The following MAPKAPK2 variants were observed in gnomAD, a reference collection of about 807,000 sequenced individuals.
MAPKAPK2 encodes MAPK activated protein kinase 2, also known as MAP kinase-activated protein kinase 2.
Under a neutral mutation model 48.8 loss-of-function variants are expected in MAPKAPK2, and 9 were observed. The ratio of observed to expected loss-of-function variants is 0.18; its 90% CI spans 0.11 to 0.32. The LOEUF (loss-of-function observed/expected upper bound fraction) is 0.32, where lower values mean the gene tolerates loss of function less well. Among genes scored for constraint, MAPKAPK2 ranks in the 10% least tolerant of loss-of-function variants. The probability of loss-of-function intolerance (pLI) is 1.00; values close to 1 mark genes in which losing one functional copy is unlikely to be tolerated. For missense variants in MAPKAPK2, 331 were observed against 498.3 expected (o/e 0.66, Z 3.20); for synonymous variants, 202 against 190.6 (o/e 1.06, Z -0.49).
chr1:206,697,159 T>C (rs1364132769), intron 1 of MAPKAPK2, among the ~76,000 whole-genome samples: 1 of 152,216 alleles, frequency 6.6e-6, no homozygotes, highest in Non-Finnish European at 1.5e-5. Context: ...TTTTGCCCTT[T>C]GGAGAACTTT....
chr1:206,688,685 T>G (rs1672360503), intron 1 of MAPKAPK2, among the ~76,000 whole-genome samples: 3 of 152,202 alleles, frequency 2.0e-5, no homozygotes, highest in Admixed American at 2.0e-4. Context: ...TCGCCCAGGT[T>G]AGAGTGCAGT....
chr1:206,718,901 A>G (rs1341229280), intron 1 of MAPKAPK2, among the ~76,000 whole-genome samples: 1 of 152,184 alleles, frequency 6.6e-6, no homozygotes, highest in African/African-American at 2.4e-5. Context: ...TTATTTCTCT[A>G]CCAACTGAAT....
intron 1 of MAPKAPK2, among the ~76,000 whole-genome samples, chr1:206,692,625 A>T (rs1004978303): frequency 3.9e-5 from 6 of 152,156 alleles, no homozygotes; most frequent in African/African-American, 1.4e-4. Context: ...CTGATCAGTA[A>T]ACACCTCTGT....
chr1:206,721,770 G>A (rs1393868326), intron 1 of MAPKAPK2, among the ~76,000 whole-genome samples: 1 of 152,196 alleles, frequency 6.6e-6, no homozygotes, highest in Non-Finnish European at 1.5e-5. Flanking sequence ...CCCATTTGAA[G>A]CACAGTGGAC....
chr1:206,715,706 C>T (rs781869334), intron 1 of MAPKAPK2, among the ~76,000 whole-genome samples: 2 of 149,952 alleles, frequency 1.3e-5, no homozygotes, highest in African/African-American at 2.5e-5. Context: ...TGGCTCACTG[C>T]AGCCTTGACC....
intron 1 of MAPKAPK2, among the ~76,000 whole-genome samples, chr1:206,722,076 A>G (rs1171364377): frequency 6.7e-6 from 1 of 149,860 alleles, no homozygotes; most frequent in Non-Finnish European, 1.5e-5. Context: ...AAAAAAAAAA[A>G]AAGGCCAGGC....
intron 1 of MAPKAPK2, among the ~76,000 whole-genome samples, chr1:206,722,326 C>T (rs971334760): frequency 1.8e-4 from 27 of 152,102 alleles, no homozygotes; most frequent in African/African-American, 5.8e-4. Context: ...TGCCACTGCA[C>T]TCCAGCCTGG....
chr1:206,712,494 TTTG>T (rs1236394300), intron 1 of MAPKAPK2, among the ~76,000 whole-genome samples: 3 of 151,956 alleles, frequency 2.0e-5, no homozygotes, highest in African/African-American at 4.8e-5. Context: ...GATGGGTTTT[TTTG>T]TTGTTGTTGT....
intron 1 of MAPKAPK2, among the ~76,000 whole-genome samples, chr1:206,714,441 A>G (rs1371745111): frequency 6.6e-6 from 1 of 152,060 alleles, no homozygotes; most frequent in African/African-American, 2.4e-5. Flanking sequence ...TGAGGAGTTT[A>G]TCCTATTTGT....
intron 1 of MAPKAPK2, among the ~76,000 whole-genome samples, chr1:206,690,585 T>C (rs782580952): frequency 2.6e-5 from 4 of 152,186 alleles, no homozygotes; most frequent in Non-Finnish European, 4.4e-5. Flanking sequence ...AATTGATGAT[T>C]TTTCTTATGA....
chr1:206,690,002 G>A (rs1174120717), intron 1 of MAPKAPK2, among the ~76,000 whole-genome samples: 1 of 152,176 alleles, frequency 6.6e-6, no homozygotes, highest in African/African-American at 2.4e-5. Flanking sequence ...ACATGGCTGT[G>A]CCTCTGAGGA....
chr1:206,730,795 C>CA, intron 6 of MAPKAPK2, 32 bp downstream of exon 6: 1 of 1,341,348 alleles, frequency 7.5e-7, no homozygotes, highest in Non-Finnish European at 1.1e-6. Flanking sequence ...CTGGGTGGGG[C>CA]AGGGAGTCAG....
intron 1 of MAPKAPK2, among the ~76,000 whole-genome samples, chr1:206,727,411 A>C (rs1241985692): frequency 6.6e-6 from 1 of 152,144 alleles, no homozygotes; most frequent in African/African-American, 2.4e-5. Context: ...AGAAGAGTTT[A>C]TTATCTTGTC....
Position 206,685,512 on chromosome 1 carries a change from G to C in MAPKAPK2, c.279+4G>C, listed in dbSNP as rs1553425450. ...CCAGGAGAAATTCGCCCTCAAAGTAGGTCTGGGGCCCGGGGAGGGGAGGCG... is the reference window on the plus strand; with the variant it reads ...CCAGGAGAAATTCGCCCTCAAAGTACGTCTGGGGCCCGGGGAGGGGAGGCG... On this transcript the variant is annotated splice_donor_region_variant and intron_variant, in intron 1 of 9. Transcript: ENST00000367103. The C allele has an allele frequency of 1.3e-6, 2 of 1,512,260 alleles. No homozygotes were observed. The highest frequency in any genetic ancestry group is 8.9e-7 in the Non-Finnish European group (1 of 1,124,662). The allele number at this position is 1,512,260 out of a possible 1,614,324, so 93.7% of individuals were successfully genotyped here.
intron 1 of MAPKAPK2, among the ~76,000 whole-genome samples, chr1:206,727,002 C>T (rs1483758797): frequency 6.6e-6 from 1 of 152,110 alleles, no homozygotes; most frequent in East Asian, 1.9e-4. Context: ...CTGCTTCCCA[C>T]GTTTCCCTCT....
chr1:206,693,147 T>C (rs1340466438), intron 1 of MAPKAPK2, among the ~76,000 whole-genome samples: 1 of 152,124 alleles, frequency 6.6e-6, no homozygotes, highest in Non-Finnish European at 1.5e-5. Context: ...TCCACATTGT[T>C]AGGAGGCTCT....
At chr1:206,706,705 G>T (rs367578129) in intron 1 of MAPKAPK2, among the ~76,000 whole-genome samples, 1 of 152,330 alleles carries the variant, frequency 6.6e-6, no homozygotes, top group Admixed American at 6.5e-5. Context: ...CTGGGAAGAC[G>T]TTCAGGCCAC....
chr1:206,689,587 G>A (rs941740151), intron 1 of MAPKAPK2, among the ~76,000 whole-genome samples: 4 of 152,174 alleles, frequency 2.6e-5, no homozygotes, highest in Non-Finnish European at 5.9e-5. Flanking sequence ...CATAAGCTTA[G>A]TTGCATGGAG....
chr1:206,700,561 A>G (rs924497050), intron 1 of MAPKAPK2, among the ~76,000 whole-genome samples: 2 of 152,242 alleles, frequency 1.3e-5, no homozygotes, highest in Non-Finnish European at 2.9e-5. Flanking sequence ...AATCAAGGCT[A>G]GAAGACCACA....
Sources: allele counts gnomAD v4.1 joint callset (sites outside exome capture counted in the v4.1 genomes callset), GRCh38; gene constraint gnomAD v4.1.1; transcripts MANE v1.5; gene names NCBI Gene and HGNC (gene_info 2026-07-23, HGNC 2026-07-21).